Variants in UNC5D observed in about 807,000 individuals in gnomAD.
UNC5D encodes the protein unc-5 netrin receptor D, also known as netrin receptor UNC5D.
In UNC5D, 39 loss-of-function variants were observed where a neutral mutation model predicts 105.4. That is an observed-to-expected ratio of 0.37 (90% CI 0.29 to 0.48). The LOEUF (loss-of-function observed/expected upper bound fraction) is 0.48. Among genes scored for constraint, UNC5D ranks in the 20% least tolerant of loss-of-function variants. The pLI, the probability that UNC5D is intolerant of heterozygous loss-of-function variation, is 0.98. For missense variants in UNC5D, 991 were observed against 1,202.4 expected (o/e 0.82, Z 2.60); for synonymous variants, 452 against 450.4 (o/e 1.00, Z -0.04).
intron 7 of UNC5D, among the ~76,000 whole-genome samples, chr8:35,694,061 A>T (rs1346974593): frequency 6.6e-6 from 1 of 152,196 alleles, no homozygotes; most frequent in African/African-American, 2.4e-5. Context: ...ACAAACACAT[A>T]AGAACGAGTC....
chr8:35,562,304 A>ATC (rs1277569746), intron 2 of UNC5D, among the ~76,000 whole-genome samples: 1 of 152,188 alleles, frequency 6.6e-6, no homozygotes, highest in Non-Finnish European at 1.5e-5. Flanking sequence ...GGTCGCAGAT[A>ATC]TCTCTTTGAT....
At chr8:35,638,292 G>A (rs527922866) in intron 4 of UNC5D, among the ~76,000 whole-genome samples, 17 of 152,220 alleles carry the variant, frequency 1.1e-4, no homozygotes, top group African/African-American at 3.9e-4. Flanking sequence ...TTGGAGCGGT[G>A]TTTGGCAGGT....
chr8:35,778,639 A>T (rs192838451), intron 16 of UNC5D, among the ~76,000 whole-genome samples: 1 of 152,218 alleles, frequency 6.6e-6, no homozygotes, highest in African/African-American at 2.4e-5. Flanking sequence ...TTGTGACTGC[A>T]CTTTCGCCTG....
chr8:35,283,655 T>A (rs527593151), intron 1 of UNC5D, among the ~76,000 whole-genome samples: 294 of 151,374 alleles, frequency 1.9e-3, no homozygotes, highest in African/African-American at 6.7e-3. Context: ...AATACAAAAA[T>A]TAGCTGGGCA....
chr8:35,653,513 A>T (rs1027767228), intron 4 of UNC5D, among the ~76,000 whole-genome samples: 1 of 152,164 alleles, frequency 6.6e-6, no homozygotes, highest in Non-Finnish European at 1.5e-5. Flanking sequence ...TTTGTGGATC[A>T]CCATACTGTG....
chr8:35,682,282 G>A (rs1026617354), intron 4 of UNC5D, among the ~76,000 whole-genome samples: 1 of 152,162 alleles, frequency 6.6e-6, no homozygotes, highest in Non-Finnish European at 1.5e-5. Flanking sequence ...CGTTTTATTG[G>A]TGATAAATTA....
intron 1 of UNC5D, among the ~76,000 whole-genome samples, chr8:35,318,165 C>G (rs371706301): frequency 1.3e-5 from 2 of 151,768 alleles, no homozygotes; most frequent in African/African-American, 2.4e-5. Context: ...CATTTTCATG[C>G]GCTGCCTCCA....
rs189342940 is a variant in UNC5D, at chr8:35,459,884, G to C, written c.104-89408G>C. On this transcript the variant is annotated intron_variant, in intron 1 of 16. Coordinates refer to ENST00000404895, the MANE Select transcript of UNC5D (RefSeq NM_080872.4). ...ACAATCCTATAACTGAAAAACATTT[G>C]CATGAACATGGCTCATTAGGTATTT... Among the ~76,000 whole-genome samples, 965 of 152,196 alleles carry C rather than the reference G, an allele frequency of 6.3e-3. 32 individuals are homozygous for C. Among genetic ancestry groups the C allele is most frequent in the Admixed American group, 0.058 (885 of 15,284 alleles).
At chr8:35,357,652 A>G (rs557134814) in intron 1 of UNC5D, among the ~76,000 whole-genome samples, 17 of 152,162 alleles carry the variant, frequency 1.1e-4, no homozygotes, top group Non-Finnish European at 2.5e-4. Flanking sequence ...AGGGAGTAGA[A>G]ACTTGAGTTA....
intron 4 of UNC5D, among the ~76,000 whole-genome samples, chr8:35,667,924 C>T (rs1439496911): frequency 3.3e-5 from 5 of 152,124 alleles, no homozygotes; most frequent in Non-Finnish European, 7.4e-5. Flanking sequence ...ATTCTTAGCA[C>T]ATATCTCTGG....
chr8:35,587,965 A>AT (rs141049814), intron 3 of UNC5D, among the ~76,000 whole-genome samples: 40 of 105,096 alleles, frequency 3.8e-4, no homozygotes, highest in South Asian at 1.6e-3. Flanking sequence ...TAACTATAAT[A>AT]ATATATATAT....
In UNC5D at chr8:35,792,119, A is replaced by AAT. The variant is rs1803071405; in HGVS notation, c.*1556_*1557insAT. 2 of 152,048 alleles carry AAT rather than the reference A, an allele frequency of 1.3e-5. No homozygotes were observed. Among genetic ancestry groups the AAT allele is most frequent in the Non-Finnish European group, 2.9e-5 (2 of 67,998 alleles). The allele number at this position is 152,048 out of a possible 1,614,324, so 9.4% of individuals were successfully genotyped here. A position where few individuals can be genotyped will look rare whatever the true frequency, so the allele number is the denominator to read the frequency against. On this transcript the variant is annotated 3_prime_UTR_variant, in exon 17 of 17. Transcript: ENST00000404895. ...CATTCGAATAAAAAGTAGTCAGGGA[A>AAT]TGGGGGAGGTGGGGAGTTGGGGAGT...
chr8:35,449,554 C>A (rs1030685471), intron 1 of UNC5D, among the ~76,000 whole-genome samples: 1 of 152,116 alleles, frequency 6.6e-6, no homozygotes, highest in Non-Finnish European at 1.5e-5. Flanking sequence ...TAAGCCAAAA[C>A]AATAAGCACA....
intron 4 of UNC5D, among the ~76,000 whole-genome samples, chr8:35,639,669 G>C (rs1373232286): frequency 6.6e-6 from 1 of 152,068 alleles, no homozygotes; most frequent in Non-Finnish European, 1.5e-5. Context: ...AATTCTGGAA[G>C]ATAAAACTCA....
intron 2 of UNC5D, among the ~76,000 whole-genome samples, chr8:35,560,258 C>G (rs985533373): frequency 6.6e-6 from 1 of 152,292 alleles, no homozygotes; most frequent in Admixed American, 6.5e-5. Flanking sequence ...GTAGCATTTT[C>G]TATGAACAAG....
chr8:35,534,641 C>G (rs1196865796), intron 1 of UNC5D, among the ~76,000 whole-genome samples: 2 of 151,710 alleles, frequency 1.3e-5, no homozygotes, highest in Admixed American at 1.3e-4. Context: ...AAAAAGTATT[C>G]AGGGCCATTT....
intron 7 of UNC5D, among the ~76,000 whole-genome samples, chr8:35,704,912 G>A (rs1179306820): frequency 6.6e-6 from 1 of 150,992 alleles, no homozygotes; most frequent in Admixed American, 6.6e-5. Context: ...TGGGGGCATT[G>A]AGAAAATTCC....
intron 1 of UNC5D, among the ~76,000 whole-genome samples, chr8:35,453,103 A>G (rs767664550): frequency 6.6e-6 from 1 of 152,150 alleles, no homozygotes; most frequent in Non-Finnish European, 1.5e-5. Flanking sequence ...TGAATGCCCA[A>G]TATCTTCACT....
At chr8:35,656,554 C>T (rs1417048581) in intron 4 of UNC5D, among the ~76,000 whole-genome samples, 1 of 152,184 alleles carries the variant, frequency 6.6e-6, no homozygotes, top group East Asian at 1.9e-4. Flanking sequence ...TCCTGTTCTT[C>T]TTCCTCCTTA....
Sources: allele counts gnomAD v4.1 joint callset (sites outside exome capture counted in the v4.1 genomes callset), GRCh38; gene constraint gnomAD v4.1.1; transcripts MANE v1.5; gene names NCBI Gene and HGNC (gene_info 2026-07-23, HGNC 2026-07-21).